Variants in VAV3 observed in about 807,000 individuals in gnomAD.
VAV3 encodes guanine nucleotide exchange factor VAV3.
VAV3 carries 94 observed loss-of-function variants against 131.2 expected under a neutral mutation model. The ratio of observed to expected loss-of-function variants is 0.72; its 90% CI spans 0.61 to 0.85. The LOEUF (loss-of-function observed/expected upper bound fraction) is 0.85. VAV3 is among the 40% of genes least tolerant of loss of function. VAV3 has a pLI of 0.00. For missense variants in VAV3, 939 were observed against 1,002.7 expected (o/e 0.94, Z 0.86); for synonymous variants, 349 against 342.0 (o/e 1.02, Z -0.22).
intron 15 of VAV3, among the ~76,000 whole-genome samples, chr1:107,708,122 A>C (rs1660561794): frequency 6.6e-6 from 1 of 152,186 alleles, no homozygotes. Flanking sequence ...ATGAGCAAAG[A>C]CATGAGATAG....
chr1:107,601,844 A>G (rs1651889883), intron 24 of VAV3, among the ~76,000 whole-genome samples: 1 of 152,172 alleles, frequency 6.6e-6, no homozygotes, highest in Admixed American at 6.5e-5. Context: ...TTCCATTTAA[A>G]TATACAATTC....
intron 2 of VAV3, among the ~76,000 whole-genome samples, chr1:107,855,613 CA>C (rs1553220695): frequency 6.6e-6 from 1 of 151,962 alleles, no homozygotes; most frequent in Non-Finnish European, 1.5e-5. Flanking sequence ...TTGTTAAGAG[CA>C]GGGGCAGGAA....
chr1:107,586,435 C>T (rs981505413), intron 25 of VAV3, among the ~76,000 whole-genome samples: 1 of 152,066 alleles, frequency 6.6e-6, no homozygotes, highest in African/African-American at 2.4e-5. Flanking sequence ...GAAAGAAGTG[C>T]TTGGATTCGA....
At chr1:107,688,234 A>G in intron 18 of VAV3, 147 bp downstream of exon 18, 1 of 1,038,400 alleles carries the variant, frequency 9.6e-7, no homozygotes, top group South Asian at 1.7e-5. Context: ...CATTTTGTTC[A>G]CAATCACTTG....
chr1:107,709,652 C>T lies in VAV3; in HGVS notation c.1503-4591G>A, dbSNP rs72977685. Among the ~76,000 whole-genome samples the T allele has an allele frequency of 5.3e-3, 814 of 152,302 alleles. 10 individuals carry two copies. Among genetic ancestry groups the T allele is most frequent in the African/African-American group, 0.017 (716 of 41,568 alleles). Reference sequence around the variant, plus strand: ...CGTGAGAGGGACCAGGTGGAGATAACTGAATCGTGGGGATGGTTTCCCCCA... The same window carrying T: ...CGTGAGAGGGACCAGGTGGAGATAATTGAATCGTGGGGATGGTTTCCCCCA... On this transcript the variant is annotated intron_variant, in intron 15 of 26. Coordinates refer to ENST00000370056, the MANE Select transcript of VAV3 (RefSeq NM_006113.5).
chr1:107,611,489 T>C (rs778548637), intron 21 of VAV3, among the ~76,000 whole-genome samples: 2 of 151,918 alleles, frequency 1.3e-5, no homozygotes, highest in African/African-American at 2.4e-5. Flanking sequence ...AAGATATACA[T>C]GGCTTCTGAA....
intron 22 of VAV3, among the ~76,000 whole-genome samples, chr1:107,606,531 C>G (rs979577065): frequency 1.3e-5 from 2 of 152,092 alleles, no homozygotes; most frequent in Non-Finnish European, 2.9e-5. Flanking sequence ...TTTTCTCTTT[C>G]TGGAATTCCT....
chr1:107,651,908 C>G (rs964074854), intron 19 of VAV3, among the ~76,000 whole-genome samples: 9 of 152,130 alleles, frequency 5.9e-5, no homozygotes, highest in Non-Finnish European at 1.5e-5. Context: ...CCAGTTTCAT[C>G]TTGTTCCAGC....
At chr1:107,860,761 T>A (rs1376772818) in intron 2 of VAV3, among the ~76,000 whole-genome samples, 2 of 151,600 alleles carry the variant, frequency 1.3e-5, no homozygotes, top group East Asian at 1.9e-4. Flanking sequence ...CCAAGCACAG[T>A]GGCGTGCACT....
intron 12 of VAV3, among the ~76,000 whole-genome samples, chr1:107,753,378 G>T (rs1366430800): frequency 6.6e-6 from 1 of 151,286 alleles, no homozygotes; most frequent in Non-Finnish European, 1.5e-5. Context: ...TTTGGAGACG[G>T]TCACACAACA....
intron 2 of VAV3, among the ~76,000 whole-genome samples, chr1:107,836,661 T>G (rs148843090): frequency 9.3e-4 from 141 of 152,196 alleles, no homozygotes; most frequent in Middle Eastern, 3.4e-3. Context: ...TAAATAAGAT[T>G]GTTAGACCAC....
chr1:107,917,484 C>T (rs1672679779), intron 1 of VAV3, among the ~76,000 whole-genome samples: 1 of 152,120 alleles, frequency 6.6e-6, no homozygotes, highest in African/African-American at 2.4e-5. Flanking sequence ...TCTGACCCAC[C>T]ATACTCCTGG....
chr1:107,760,260 C>T (rs555756355), intron 10 of VAV3, among the ~76,000 whole-genome samples: 17 of 152,252 alleles, frequency 1.1e-4, no homozygotes, highest in African/African-American at 3.6e-4. Context: ...AGACTCTCCA[C>T]CCTCATTTAG....
chr1:107,905,357 G>A (rs923011027), intron 1 of VAV3, among the ~76,000 whole-genome samples: 5 of 151,978 alleles, frequency 3.3e-5, no homozygotes, highest in African/African-American at 9.7e-5. Flanking sequence ...TGGTATATGC[G>A]ACCATATATT....
chr1:107,617,534 G>A, intron 21 of VAV3, 33 bp downstream of exon 21: 1 of 1,578,712 alleles, frequency 6.3e-7, no homozygotes, highest in South Asian at 1.2e-5. Context: ...AAAACAAAAT[G>A]AAGCAAGAGA....
chr1:107,826,817 TAAAG>T (rs1441280408), intron 2 of VAV3, among the ~76,000 whole-genome samples: 1 of 152,120 alleles, frequency 6.6e-6, no homozygotes, highest in Non-Finnish European at 1.5e-5. Context: ...AGTATTAATG[TAAAG>T]AAAGAAACAA....
intron 25 of VAV3, among the ~76,000 whole-genome samples, chr1:107,583,849 C>T (rs1485232305): frequency 2.6e-5 from 4 of 152,090 alleles, no homozygotes. Context: ...TTTATAGATT[C>T]AAATGCCATC....
At chr1:107,859,453 C>A (rs10494080) in intron 2 of VAV3, among the ~76,000 whole-genome samples, 30,917 of 152,036 alleles carry the variant, frequency 0.2, 3,515 homozygotes, top group Middle Eastern at 0.29. Context: ...TTAAACTCTG[C>A]ATAAAAACAT....
At chr1:107,728,301 G>T (rs1661975987) in intron 15 of VAV3, among the ~76,000 whole-genome samples, 1 of 152,110 alleles carries the variant, frequency 6.6e-6, no homozygotes, top group Non-Finnish European at 1.5e-5. Flanking sequence ...GGAATCACCA[G>T]GGATTAAAGG....
Sources: allele counts gnomAD v4.1 joint callset (sites outside exome capture counted in the v4.1 genomes callset), GRCh38; gene constraint gnomAD v4.1.1; transcripts MANE v1.5; gene names NCBI Gene and HGNC (gene_info 2026-07-23, HGNC 2026-07-21).